KCNIP4: variants seen among roughly 807,000 people sequenced by gnomAD.
KCNIP4 encodes potassium voltage-gated channel interacting protein 4.
A neutral mutation model predicts 34.0 loss-of-function variants in KCNIP4; 12 were observed. The ratio of observed to expected loss-of-function variants is 0.35; its 90% CI spans 0.23 to 0.57. The LOEUF (loss-of-function observed/expected upper bound fraction) is 0.57. Among genes scored for constraint, KCNIP4 ranks in the 20% least tolerant of loss-of-function variants. KCNIP4 has a pLI of 0.83. For synonymous variants in KCNIP4, 124 were observed against 102.2 expected (o/e 1.21, Z -1.29); for missense variants, 238 against 311.7 (o/e 0.76, Z 1.78).
chr4:21,882,981 G>A (rs1216476182), intron 1 of KCNIP4, among the ~76,000 whole-genome samples: 1 of 152,008 alleles, frequency 6.6e-6, no homozygotes, highest in Non-Finnish European at 1.5e-5. Context: ...TAAATTCCAT[G>A]TAGTTATTTA....
intron 1 of KCNIP4, among the ~76,000 whole-genome samples, chr4:21,737,219 C>G (rs927422125): frequency 3.9e-5 from 6 of 152,136 alleles, no homozygotes; most frequent in Admixed American, 2.0e-4. Context: ...TCCTTATGTG[C>G]ACCAATCAAA....
At chr4:20,962,889 T>C (rs1167022144) in intron 1 of KCNIP4, among the ~76,000 whole-genome samples, 2 of 152,340 alleles carry the variant, frequency 1.3e-5, no homozygotes, top group South Asian at 2.1e-4. Context: ...TGGCTTACCA[T>C]AAAGTATAAA....
chr4:21,589,151 G>A (rs1741903715), intron 1 of KCNIP4, among the ~76,000 whole-genome samples: 1 of 93,220 alleles, frequency 1.1e-5, no homozygotes, highest in Non-Finnish European at 2.1e-5. Flanking sequence ...CAAAAATGGA[G>A]GTGTGTATAT....
intron 1 of KCNIP4, among the ~76,000 whole-genome samples, chr4:21,643,042 G>C (rs540250308): frequency 2.1e-4 from 32 of 152,310 alleles, no homozygotes; most frequent in African/African-American, 6.7e-4. Flanking sequence ...TGATGGCAAA[G>C]AGAATATGTA....
intron 1 of KCNIP4, among the ~76,000 whole-genome samples, chr4:21,153,995 GA>G (rs112468002): frequency 1.3e-5 from 2 of 150,896 alleles, no homozygotes; most frequent in Middle Eastern, 3.4e-3. Context: ...AAAAAAAATG[GA>G]AAAAAAAGGT....
chr4:21,229,432 A>T (rs1023576985), intron 1 of KCNIP4, among the ~76,000 whole-genome samples: 1 of 152,170 alleles, frequency 6.6e-6, no homozygotes, highest in African/African-American at 2.4e-5. Context: ...GAATTCATGC[A>T]TTACTTACTC....
intron 1 of KCNIP4, among the ~76,000 whole-genome samples, chr4:21,818,590 A>G (rs183620768): frequency 3.9e-5 from 6 of 152,362 alleles, no homozygotes; most frequent in Non-Finnish European, 7.3e-5. Context: ...CCAGATTTTA[A>G]ATACTCAGTA....
At chr4:20,890,573 G>A (rs1725818227) in intron 1 of KCNIP4, among the ~76,000 whole-genome samples, 1 of 151,976 alleles carries the variant, frequency 6.6e-6, no homozygotes, top group African/African-American at 2.4e-5. Context: ...TACCTACAAT[G>A]GGCAGATTAA....
chr4:21,097,008 A>C (rs1747515912), intron 1 of KCNIP4, among the ~76,000 whole-genome samples: 1 of 152,176 alleles, frequency 6.6e-6, no homozygotes, highest in Non-Finnish European at 1.5e-5. Context: ...AAAACAAAAA[A>C]ATTTATCAAC....
intron 1 of KCNIP4, among the ~76,000 whole-genome samples, chr4:21,247,849 G>GATAT (rs370852203): frequency 5.7e-4 from 58 of 101,478 alleles, no homozygotes; most frequent in Non-Finnish European, 7.5e-4. Context: ...CACAGGTGGA[G>GATAT]ATATATATAT....
intron 1 of KCNIP4, among the ~76,000 whole-genome samples, chr4:21,803,821 T>G (rs1042954162): frequency 6.6e-6 from 1 of 152,214 alleles, no homozygotes; most frequent in Non-Finnish European, 1.5e-5. Context: ...TTATCTTACT[T>G]ATGTCTGTCT....
intron 1 of KCNIP4, among the ~76,000 whole-genome samples, chr4:21,714,818 T>C (rs1046191184): frequency 0.24 from 68 of 282 alleles, 15 homozygotes; most frequent in East Asian, 0.76. Context: ...TATTTTATTT[T>C]ATTTTATTTT....
At chr4:21,002,142 A>G (rs1028758309) in intron 1 of KCNIP4, among the ~76,000 whole-genome samples, 6 of 152,176 alleles carry the variant, frequency 3.9e-5, no homozygotes, top group Non-Finnish European at 7.4e-5. Context: ...TCTGTGTTTC[A>G]TCTTTCCAGA....
chr4:21,779,926 G>A (rs1381859380), intron 1 of KCNIP4, among the ~76,000 whole-genome samples: 1 of 83,510 alleles, frequency 1.2e-5, no homozygotes, highest in East Asian at 2.3e-4. Flanking sequence ...GTAAGATCCT[G>A]TCTCAAAAAA....
chr4:20,910,187 T>A (rs1382632516), intron 1 of KCNIP4, among the ~76,000 whole-genome samples: 1 of 152,208 alleles, frequency 6.6e-6, no homozygotes, highest in African/African-American at 2.4e-5. Flanking sequence ...TCCTACTGGC[T>A]CACCTCACTT....
chr4:20,753,905 T>TTC (rs1754064870), intron 4 of KCNIP4, among the ~76,000 whole-genome samples: 1 of 55,226 alleles, frequency 1.8e-5, no homozygotes. Context: ...TGAGCTCATT[T>TTC]GTTCATTCAT....
intron 1 of KCNIP4, chr4:21,464,700 T>C (rs1254741576): frequency 6.6e-6 from 1 of 152,182 alleles, no homozygotes; most frequent in African/African-American, 2.4e-5. Flanking sequence ...CTATCACATC[T>C]ATTTGGTGTA....
chr4:21,564,668 T>A lies in KCNIP4; in HGVS notation c.61+383903A>T, dbSNP rs185914144. ...GAGATACCTGAGGCTGGGTAATGTA[T>A]AAAGAAAAGTTAATTTGGCTCACCC... On this transcript the variant is annotated intron_variant, in intron 1 of 8. Coordinates refer to ENST00000382152, the MANE Select transcript of KCNIP4 (RefSeq NM_025221.6). 4.7e-4 allele frequency among the ~76,000 whole-genome samples: 72 copies of A among 152,118 alleles called. No individual in the cohort carries two copies. The East Asian group carries it at 8.3e-3, about 18-fold the overall frequency.
intron 1 of KCNIP4, among the ~76,000 whole-genome samples, chr4:21,548,699 G>A (rs1003965204): frequency 6.6e-6 from 1 of 151,558 alleles, no homozygotes; most frequent in Admixed American, 6.6e-5. Context: ...TAGATCACAA[G>A]AGCCAATTAC....
Sources: allele counts gnomAD v4.1 joint callset (sites outside exome capture counted in the v4.1 genomes callset), GRCh38; gene constraint gnomAD v4.1.1; transcripts MANE v1.5; gene names NCBI Gene and HGNC (gene_info 2026-07-23, HGNC 2026-07-21).